Variants in CXCL3 observed in about 807,000 individuals in gnomAD.
CXCL3 encodes the protein C-X-C motif chemokine 3.
CXCL3 carries 10 observed loss-of-function variants against 11.5 expected under a neutral mutation model. The ratio of observed to expected loss-of-function variants is 0.87; its 90% confidence interval spans 0.54 to 1.48. The LOEUF (loss-of-function observed/expected upper bound fraction) is 1.48. Ranked by LOEUF, CXCL3 falls within the 40% of genes most tolerant of loss-of-function variation. The pLI, the probability that CXCL3 is intolerant of heterozygous loss-of-function variation, is 0.00. For synonymous variants in CXCL3, 61 were observed against 60.9 expected (o/e 1.00, Z -0.01); for missense variants, 149 against 139.1 (o/e 1.07, Z -0.36).
intron 3 of CXCL3, chr4:74,037,571 C>G (rs1301175116): frequency 4.6e-6 from 2 of 431,850 alleles, no homozygotes; most frequent in East Asian, 8.8e-5. Flanking sequence ...CATGATCTCC[C>G]TTAAGCTGCA....
intron 3 of CXCL3, 112 bp from the exon 4 acceptor site, chr4:74,037,389 C>T: frequency 7.8e-7 from 1 of 1,274,334 alleles, no homozygotes; most frequent in Non-Finnish European, 1.1e-6. Flanking sequence ...GCCCTCCACT[C>T]AGGGAAGGTC....
At position 74,037,272 on chromosome 4, in the gene CXCL3, C is replaced by T. The variant is rs758397992; in HGVS notation, c.314G>A (p.Ser105Asn). Residue 105 changes from serine (S) to asparagine (N), a missense_variant, in exon 4 of 4, where the codon AGC (serine) becomes AAC (asparagine). Transcript: ENST00000296026. The part of the protein sequence containing the change: ...KIIEKILNKG[S>N]TN ...CTTACTTCTCTCCTGTCAGTTGGTG[C>T]TCCCCCTGTGATGAGAAAAGGGTTA... The T allele has an allele frequency of 6.2e-7, 1 of 1,614,006 alleles. No individual in the cohort carries two copies. The highest frequency in any genetic ancestry group is 8.5e-7 in the Non-Finnish European group (1 of 1,179,952).
At position 74,038,217 on chromosome 4, in the gene CXCL3, T is replaced by C. The variant is rs996039356; in HGVS notation, c.225-41A>G. ...AATTCCGTGAGACAGGAGGTCGGGC[T>C]GGGGACAGGGTTGGGGCAGCGGGAG... On this transcript the variant is annotated intron_variant, in intron 2 of 3. Transcript: ENST00000296026. 3.1e-6 allele frequency: 5 copies of C among 1,613,808 alleles called. No individual in the cohort carries two copies. The African/African-American group carries it at 5.3e-5, about 17-fold the overall frequency.
intron 1 of CXCL3, 37 bp from the exon 2 acceptor site, chr4:74,038,450 T>C: frequency 6.3e-7 from 1 of 1,592,974 alleles, no homozygotes; most frequent in Middle Eastern, 1.7e-4. Context: ...AGCGGGGCTG[T>C]CGGCGCGGGG....
Position 74,036,878 on chromosome 4 carries a change from T to C in CXCL3, c.*384A>G. ...ACCCTAACAGTGATCCACTAATTGCTTGCATTTCAATCCCCCCACCCTCCA... is the reference window on the plus strand; with the variant it reads ...ACCCTAACAGTGATCCACTAATTGCCTGCATTTCAATCCCCCCACCCTCCA... On this transcript the variant is annotated 3_prime_UTR_variant, in exon 4 of 4. Transcript: ENST00000296026. The C allele has an allele frequency of 5.4e-6, 1 of 184,584 alleles. No individual in the cohort carries two copies. Among genetic ancestry groups the C allele is most frequent in the Admixed American group, 5.5e-5 (1 of 18,270 alleles). 11.4% of individuals were successfully genotyped at this position (184,584 alleles called of 1,614,324 possible).
chr4:74,038,363 C>T lies in CXCL3; in HGVS notation c.151G>A (p.Gly51Arg). 1.2e-6 allele frequency: 2 copies of T among 1,614,206 alleles called. No homozygotes were observed. The highest frequency in any genetic ancestry group is 1.7e-6 in the Non-Finnish European group (2 of 1,180,030). Residue 51 changes from glycine (G) to arginine (R), a missense_variant, in exon 2 of 4, where the codon GGA (glycine) becomes AGA (arginine). Gly to Arg is a moderately radical substitution (Grantham distance 125, BLOSUM62 -2). Coordinates refer to ENST00000296026, the MANE Select transcript of CXCL3 (RefSeq NM_002090.3). The stretch of plus-strand genomic sequence containing the variant: ...CTTTGGATGTTCTTGAGGTGAATTC[C>T]CTGCAGTGTCTGCAAGCACTGGCAG... ...LRCQCLQTLQ[G>R]IHLKNIQSVN... is the part of the protein sequence containing the mutation.
rs1720034642 is a variant in CXCL3 at position 74,038,076 on chromosome 4, T to C, written c.308+17A>G. On this transcript the variant is annotated intron_variant, in intron 3 of 3. Transcript: ENST00000296026. Reference sequence around the variant, plus strand: ...CAACGGCTCCAGTCGCCTGTGTATATGGAAATTACAACTCACTTGTTCAGT... The same window carrying C: ...CAACGGCTCCAGTCGCCTGTGTATACGGAAATTACAACTCACTTGTTCAGT... 1.2e-6 allele frequency: 2 copies of C among 1,613,594 alleles called. No individual in the cohort carries two copies. The highest frequency in any genetic ancestry group is 1.7e-6 in the Non-Finnish European group (2 of 1,179,542).
chr4:74,037,244 C>T lies in CXCL3; in HGVS notation c.*18G>A, dbSNP rs200741239. On this transcript the variant is annotated 3_prime_UTR_variant, in exon 4 of 4. Transcript: ENST00000296026. ...GAAGTGTCAATGATACGCTGATAAG[C>T]TTCTTACTTCTCTCCTGTCAGTTGG... 1 of 1,614,046 alleles carries T rather than the reference C, an allele frequency of 6.2e-7. No individual in the cohort carries two copies. The highest frequency in any genetic ancestry group is 8.5e-7 in the Non-Finnish European group (1 of 1,179,956).
In CXCL3 at chr4:74,037,171, T is replaced by C. The variant is rs1720010952; in HGVS notation, c.*91A>G. The C allele has an allele frequency of 5.4e-6, 8 of 1,468,190 alleles. No individual in the cohort carries two copies. The highest frequency in any genetic ancestry group is 7.6e-6 in the Non-Finnish European group (8 of 1,054,138). 90.9% of individuals were successfully genotyped at this position (1,468,190 alleles called of 1,614,324 possible). ...TCCAGCTGTCCCTAGAAAGCTGCTG[T>C]TCTCTTTTTCATTTTCAGCTCTGGT... On this transcript the variant is annotated 3_prime_UTR_variant, in exon 4 of 4. Coordinates refer to ENST00000296026, the MANE Select transcript of CXCL3 (RefSeq NM_002090.3).
chr4:74,037,159 A>G lies in CXCL3; in HGVS notation c.*103T>C. Reference sequence around the variant, plus strand: ...CATTAAGTCCTTTCCAGCTGTCCCTAGAAAGCTGCTGTTCTCTTTTTCATT... The same window carrying G: ...CATTAAGTCCTTTCCAGCTGTCCCTGGAAAGCTGCTGTTCTCTTTTTCATT... On this transcript the variant is annotated 3_prime_UTR_variant, in exon 4 of 4. Transcript: ENST00000296026. 7.7e-7 allele frequency: 1 copy of G among 1,294,574 alleles called. No homozygotes were observed. The highest frequency in any genetic ancestry group is 1.8e-5 in the Admixed American group (1 of 55,032). 80.2% of individuals were successfully genotyped at this position (1,294,574 alleles called of 1,614,324 possible). A position where few individuals can be genotyped will look rare whatever the true frequency, so the allele number is the denominator to read the frequency against.
intron 1 of CXCL3, 29 bp downstream of exon 1, chr4:74,038,483 C>T: frequency 1.3e-6 from 2 of 1,570,976 alleles, no homozygotes; most frequent in South Asian, 1.2e-5. Flanking sequence ...CCGCGTCCGG[C>T]CCGGGGACCC....
At position 74,038,404 on chromosome 4, in the gene CXCL3, A is replaced by T; in HGVS notation, c.110T>A (p.Val37Glu). Residue 37 changes from valine (V) to glutamate (E), a missense_variant, in exon 2 of 4, where the codon GTG becomes GAG. Physicochemically the swap from Val to Glu is moderately radical, Grantham distance 121. Transcript: ENST00000296026. ...GCACTGGCAGCGCAGTTCAGTGACC[A>T]CGGACGCTCCTAGGGAAGAATAGAC... ...AASRRAAGASVVTELRCQCLQ... is the reference protein window; with the variant it reads ...AASRRAAGASEVTELRCQCLQ... 6.2e-7 allele frequency: 1 copy of T among 1,614,032 alleles called. No individual in the cohort carries two copies. Among genetic ancestry groups the T allele is most frequent in the Non-Finnish European group, 8.5e-7 (1 of 1,179,934 alleles).
chr4:74,038,580 C>G lies in CXCL3; in HGVS notation c.32G>C (p.Ser11Thr), dbSNP rs1424910788. The G allele has an allele frequency of 8.1e-6, 12 of 1,486,294 alleles. No individual in the cohort carries two copies. Among genetic ancestry groups the G allele is most frequent in the African/African-American group, 2.9e-5 (2 of 68,324 alleles). 92.1% of individuals were successfully genotyped at this position (1,486,294 alleles called of 1,614,324 possible). A position where few individuals can be genotyped will look rare whatever the true frequency, so the allele number is the denominator to read the frequency against. Residue 11 changes from serine to threonine, a missense_variant, in exon 1 of 4, where the codon AGC becomes ACC. Physicochemically the swap from Ser to Thr is moderately conservative, Grantham distance 58. Transcript: ENST00000296026. MAHATLSAAP[S>T]NPRLLRVALL... is the part of the protein sequence containing the mutation. ...CGCCACCCGCAGGAGCCGGGGATTG[C>G]TGGGGGCGGCGGAGAGCGTGGCGTG...
Position 74,038,276 on chromosome 4 carries a change from G to C in CXCL3, c.224+14C>G, listed in dbSNP as rs201425298. ...ACCCCAGCGGTGGCAGCGGAAGCGC[G>C]GGGCGGGACTTACATGACTTCGGTT... is the stretch of plus-strand genomic sequence containing the variant. On this transcript the variant is annotated intron_variant, in intron 2 of 3. Coordinates refer to ENST00000296026, the MANE Select transcript of CXCL3 (RefSeq NM_002090.3). The C allele has an allele frequency of 2.3e-5, 37 of 1,613,880 alleles. 1 individual carries two copies. In the Middle Eastern group the frequency reaches 4.0e-3, roughly 173 times the overall value.
rs192662858 is a variant in CXCL3 at position 74,036,948 on chromosome 4, C to G, written c.*314G>C. On this transcript the variant is annotated 3_prime_UTR_variant, in exon 4 of 4. Coordinates refer to ENST00000296026, the MANE Select transcript of CXCL3 (RefSeq NM_002090.3). ...ATCAAGGTGGCTGACACATTATGGT[C>G]TCCCACTAAATATTAGTTTAATGAC... 1.7e-4 allele frequency: 40 copies of G among 242,158 alleles called. No individual in the cohort carries two copies. The highest frequency in any genetic ancestry group is 8.3e-4 in the African/African-American group (37 of 44,648). 15.0% of individuals were successfully genotyped at this position (242,158 alleles called of 1,614,324 possible).
chr4:74,037,541 T>C lies in CXCL3; in HGVS notation c.309-264A>G, dbSNP rs190051982. On this transcript the variant is annotated intron_variant, in intron 3 of 3. Transcript: ENST00000296026. The stretch of plus-strand genomic sequence containing the variant: ...AACATATTGGTCACTGATTGTCACA[T>C]TGGGTTAGAAATGTCCATTCATGAT... 3.4e-4 allele frequency: 168 copies of C among 497,572 alleles called. 1 individual carries two copies. The highest frequency in any genetic ancestry group is 1.7e-3 in the East Asian group (50 of 28,614). The allele number at this position is 497,572 out of a possible 1,614,324, so 30.8% of individuals were successfully genotyped here.
Position 74,038,152 on chromosome 4 carries a change from T to C in CXCL3, c.249A>G (p.Lys83=). Residue 83 remains lysine, a synonymous_variant, in exon 3 of 4, where the codon AAA becomes AAG. Coordinates refer to ENST00000296026, the MANE Select transcript of CXCL3 (RefSeq NM_002090.3). ...TGGGGGATGCGGGGTTGAGACAAGC[T>C]TTCTTCCCATTCTTGAGTGTGGCTC... ...EVIATLKNGK[K]ACLNPASPMV... 1 of 1,614,116 alleles carries C rather than the reference T, an allele frequency of 6.2e-7. No individual in the cohort carries two copies. Among genetic ancestry groups the C allele is most frequent in the Non-Finnish European group, 8.5e-7 (1 of 1,180,008 alleles).
Position 74,036,851 on chromosome 4 carries a change from T to G in CXCL3, c.*411A>C, listed in dbSNP as rs1720003065. On this transcript the variant is annotated 3_prime_UTR_variant, in exon 4 of 4. Coordinates refer to ENST00000296026, the MANE Select transcript of CXCL3 (RefSeq NM_002090.3). ...AAAATAGATGTGTACATACATTCCCTTACCCTAACAGTGATCCACTAATTG... is the reference window on the plus strand; with the variant it reads ...AAAATAGATGTGTACATACATTCCCGTACCCTAACAGTGATCCACTAATTG... 6.1e-6 allele frequency: 1 copy of G among 164,256 alleles called. No individual in the cohort carries two copies. The highest frequency in any genetic ancestry group is 2.4e-5 in the African/African-American group (1 of 41,694). 10.2% of individuals were successfully genotyped at this position (164,256 alleles called of 1,614,324 possible).
At chr4:74,037,463 T>TTC (rs1553926134) in intron 3 of CXCL3, 186 bp from the exon 4 acceptor site, 7 of 614,596 alleles carry the variant, frequency 1.1e-5, no homozygotes, top group East Asian at 5.7e-5. Context: ...TTTTTTTTTT[T>TTC]CAAGAAAGAA....
Sources: allele counts gnomAD v4.1 joint callset, GRCh38; gene constraint gnomAD v4.1.1; transcripts MANE v1.5; gene names NCBI Gene and HGNC (gene_info 2026-07-23, HGNC 2026-07-21).